SLC35F1: variants seen among roughly 807,000 people sequenced by gnomAD.
SLC35F1 encodes the protein chromosome 6 open reading frame 169.
SLC35F1 carries 14 observed loss-of-function variants against 48.7 expected under a neutral mutation model. That is an observed-to-expected ratio of 0.29 (90% confidence interval 0.19 to 0.45). SLC35F1 has a LOEUF of 0.45. SLC35F1 is among the 20% of genes least tolerant of loss of function. The pLI, the probability that SLC35F1 is intolerant of heterozygous loss-of-function variation, is 1.00. For missense variants in SLC35F1, 404 were observed against 500.0 expected, an observed-to-expected ratio of 0.81 and a Z score of 1.83; for synonymous variants, 190 against 202.2, an observed-to-expected ratio of 0.94 and a Z score of 0.51.
intron 3 of SLC35F1, among the ~76,000 whole-genome samples, chr6:118,254,702 A>G (rs1244242544): frequency 6.6e-6 from 1 of 152,252 alleles, no homozygotes; most frequent in African/African-American, 2.4e-5. Context: ...AGAGGAATCA[A>G]AAGTAATGCA....
At chr6:118,171,367 C>T (rs1489348339) in intron 2 of SLC35F1, among the ~76,000 whole-genome samples, 1 of 152,194 alleles carries the variant, frequency 6.6e-6, no homozygotes. Flanking sequence ...GTTGTGATAA[C>T]ATTGATAAGC....
chr6:118,097,544 C>A (rs1188062968), intron 1 of SLC35F1, among the ~76,000 whole-genome samples: 3 of 152,118 alleles, frequency 2.0e-5, no homozygotes, highest in Non-Finnish European at 4.4e-5. Flanking sequence ...GTGATGGAAA[C>A]CATTTTGGTC....
intron 2 of SLC35F1, among the ~76,000 whole-genome samples, chr6:118,199,636 T>A (rs1345989536): frequency 6.6e-6 from 1 of 152,186 alleles, no homozygotes; most frequent in African/African-American, 2.4e-5. Flanking sequence ...TCACATTTTT[T>A]AAAATGCTGA....
chr6:118,235,978 TGTTA>T (rs999630088), intron 3 of SLC35F1, among the ~76,000 whole-genome samples: 1 of 152,184 alleles, frequency 6.6e-6, no homozygotes, highest in African/African-American at 2.4e-5. Flanking sequence ...ACTAATCTTA[TGTTA>T]GCAGGAGAAT....
intron 1 of SLC35F1, among the ~76,000 whole-genome samples, chr6:118,104,623 T>C (rs1048760342): frequency 2.6e-5 from 4 of 152,154 alleles, no homozygotes; most frequent in African/African-American, 9.7e-5. Flanking sequence ...GGAGAAATAA[T>C]GTGGCCCCTA....
intron 3 of SLC35F1, among the ~76,000 whole-genome samples, chr6:118,238,872 G>T (rs1416250750): frequency 6.6e-6 from 1 of 152,124 alleles, no homozygotes; most frequent in East Asian, 1.9e-4. Context: ...CTCAATAGAA[G>T]TACTGCTGGC....
chr6:118,103,492 A>G (rs552368981), intron 1 of SLC35F1, among the ~76,000 whole-genome samples: 16 of 152,348 alleles, frequency 1.1e-4, no homozygotes, highest in African/African-American at 3.8e-4. Context: ...AGCCACTCCC[A>G]CTGGATGTGC....
chr6:118,147,538 C>T (rs1453480611), intron 1 of SLC35F1, among the ~76,000 whole-genome samples: 2 of 152,104 alleles, frequency 1.3e-5, no homozygotes, highest in African/African-American at 2.4e-5. Context: ...ACGTGTCAAT[C>T]ATCATATCCT....
chr6:118,070,472 A>G (rs1172245097), intron 1 of SLC35F1, among the ~76,000 whole-genome samples: 2 of 152,192 alleles, frequency 1.3e-5, no homozygotes, highest in Non-Finnish European at 2.9e-5. Flanking sequence ...CATGAACTAT[A>G]TAAATCTGAT....
intron 7 of SLC35F1, among the ~76,000 whole-genome samples, chr6:118,288,263 A>G (rs427027): frequency 0.63 from 95,666 of 152,024 alleles, 30,763 homozygotes; most frequent in African/African-American, 0.73. Context: ...AATTTGGAAA[A>G]TTTATTTTGG....
intron 1 of SLC35F1, among the ~76,000 whole-genome samples, chr6:117,983,351 C>T (rs951883815): frequency 1.3e-5 from 2 of 151,978 alleles, no homozygotes; most frequent in Non-Finnish European, 2.9e-5. Flanking sequence ...CTGAGGCTGG[C>T]GGATCACGAG....
chr6:118,285,074 C>T, intron 6 of SLC35F1, 110 bp from the exon 7 acceptor site: 2 of 1,138,576 alleles, frequency 1.8e-6, no homozygotes, highest in Non-Finnish European at 2.5e-6. Flanking sequence ...AGAGAAACTG[C>T]CTTGTGTGAG....
chr6:117,919,667 A>G (rs1775871617), intron 1 of SLC35F1, among the ~76,000 whole-genome samples: 1 of 152,200 alleles, frequency 6.6e-6, no homozygotes, highest in Non-Finnish European at 1.5e-5. Flanking sequence ...CAATGTGTTC[A>G]TGTTTGTTTA....
chr6:118,214,303 TTATGA>T (rs1392753879), intron 2 of SLC35F1, among the ~76,000 whole-genome samples: 2 of 152,216 alleles, frequency 1.3e-5, no homozygotes, highest in African/African-American at 2.4e-5. Context: ...TTCAATAGTC[TTATGA>T]TATGAAATTG....
At chr6:118,010,167 G>A (rs140773153) in intron 1 of SLC35F1, among the ~76,000 whole-genome samples, 94 of 152,260 alleles carry the variant, frequency 6.2e-4, no homozygotes, top group African/African-American at 2.2e-3. Context: ...TCTAATTCCA[G>A]AATCTGTCAT....
chr6:117,925,557 C>T (rs1326682699), intron 1 of SLC35F1, among the ~76,000 whole-genome samples: 2 of 152,108 alleles, frequency 1.3e-5, no homozygotes, highest in African/African-American at 2.4e-5. Flanking sequence ...CTCTTTAAGC[C>T]AGGTTTAGTT....
chr6:118,033,690 A>C (rs2114895183), intron 1 of SLC35F1, among the ~76,000 whole-genome samples: 1 of 152,090 alleles, frequency 6.6e-6, no homozygotes, highest in African/African-American at 2.4e-5. Flanking sequence ...TCAGGTCCAG[A>C]GAAGCATGGC....
At chr6:118,173,145 G>A (rs1354820352) in intron 2 of SLC35F1, among the ~76,000 whole-genome samples, 1 of 152,018 alleles carries the variant, frequency 6.6e-6, no homozygotes, top group Non-Finnish European at 1.5e-5. Context: ...TAAAAATTAT[G>A]TAGTGACTTC....
At chr6:118,183,739 G>T (rs896860489) in intron 2 of SLC35F1, among the ~76,000 whole-genome samples, 2 of 152,082 alleles carry the variant, frequency 1.3e-5, no homozygotes, top group Admixed American at 1.3e-4. Flanking sequence ...CTGGAATAGG[G>T]CTTAGTTAGG....
Sources: allele counts gnomAD v4.1 joint callset (sites outside exome capture counted in the v4.1 genomes callset), GRCh38; gene constraint gnomAD v4.1.1; transcripts MANE v1.5; gene names NCBI Gene and HGNC (gene_info 2026-07-23, HGNC 2026-07-21).